The following KIRREL3 variants were observed in gnomAD, a reference collection of about 807,000 sequenced individuals.
The protein encoded by KIRREL3 is kirre like nephrin family adhesion molecule 3.
KIRREL3 carries 36 observed loss-of-function variants against 89.7 expected under a neutral mutation model. That is an observed-to-expected ratio of 0.40 (90% CI 0.31 to 0.53). The LOEUF (loss-of-function observed/expected upper bound fraction) is 0.53. KIRREL3 is among the 20% of genes least tolerant of loss of function. The probability of loss-of-function intolerance (pLI) is 0.49; values close to 1 mark genes in which losing one functional copy is unlikely to be tolerated. For synonymous variants in KIRREL3, 445 were observed against 441.4 expected (o/e 1.01, Z -0.10); for missense variants, 864 against 1,056.6 (o/e 0.82, Z 2.53).
At chr11:126,592,099 T>C (rs1942164405) in intron 1 of KIRREL3, among the ~76,000 whole-genome samples, 2 of 151,954 alleles carry the variant, frequency 1.3e-5, no homozygotes, top group African/African-American at 2.4e-5. Context: ...GGAAATAACA[T>C]TCCAGGGCCT....
Position 126,918,229 on chromosome 11 carries a change from G to A in KIRREL3, c.55+82226C>T, listed in dbSNP as rs923567131. Among the ~76,000 whole-genome samples the A allele has an allele frequency of 6.6e-6, 1 of 152,212 alleles. No individual in the cohort carries two copies. Among genetic ancestry groups the A allele is most frequent in the African/African-American group, 2.4e-5 (1 of 41,454 alleles). On this transcript the variant is annotated intron_variant, in intron 1 of 16. Coordinates refer to ENST00000525144, the MANE Select transcript of KIRREL3 (RefSeq NM_032531.4). This position sits in a 1 kb window ranked among gnomAD's most constrained non-coding sequence, Gnocchi z 6.5. ...CATGGTGCTTCCCTCCCATGTGTGTGTCCATTTGGGCCTCAGCAACATCCC... is the reference window on the plus strand; with the variant it reads ...CATGGTGCTTCCCTCCCATGTGTGTATCCATTTGGGCCTCAGCAACATCCC...
chr11:126,692,828 T>C lies in KIRREL3; in HGVS notation c.56-129916A>G, dbSNP rs549962673. On this transcript the variant is annotated intron_variant, in intron 1 of 16. Transcript: ENST00000525144. ...AAACAGAAAGTAGGATGTTGATTAC[T>C]AGGGACAGGTGACCCCTCCTTGGAT... 2.4e-3 allele frequency among the ~76,000 whole-genome samples: 365 copies of C among 152,330 alleles called. 1 individual carries two copies. Among genetic ancestry groups the C allele is most frequent in the Non-Finnish European group, 3.8e-3 (256 of 68,022 alleles).
rs1160367916 is a variant in KIRREL3, at chr11:126,537,996, T to C, written c.134-11309A>G. ...ACAGTGGGTGAGCCCTCCCATTGGC[T>C]CTGCCTCTTTCTTGAGCTTGGGACT... On this transcript the variant is annotated intron_variant, in intron 2 of 16. Transcript: ENST00000525144. This position sits in a 1 kb window ranked among gnomAD's most constrained non-coding sequence, Gnocchi z 4.3. 6.6e-6 allele frequency among the ~76,000 whole-genome samples: 1 copy of C among 151,300 alleles called. No individual in the cohort carries two copies. The highest frequency in any genetic ancestry group is 1.5e-5 in the Non-Finnish European group (1 of 67,884).
In KIRREL3 at chr11:126,999,228, G is replaced by T. The variant is rs371498633; in HGVS notation, c.55+1227C>A. Among the ~76,000 whole-genome samples, 1 of 152,116 alleles carries T rather than the reference G, an allele frequency of 6.6e-6. No homozygotes were observed. Among genetic ancestry groups the T allele is most frequent in the African/African-American group, 2.4e-5 (1 of 41,420 alleles). On this transcript the variant is annotated intron_variant, in intron 1 of 16. Transcript: ENST00000525144. The surrounding 1 kb of genome is among the most constrained non-coding windows in gnomAD (Gnocchi z 5.7). The stretch of plus-strand genomic sequence containing the variant: ...ATGCACATACAAATATGAAGAAGGA[G>T]CCCCTTCGGTTTCATCAGGAGGACC...
rs2134837632 is a variant in KIRREL3, at chr11:126,620,817, TTTC to T, written c.56-57908_56-57906del. ...CAAACCCAGAGAAGATAACTTCTGC[TTTC>T]TTCTTGGAGCAGCAACTAGTGAGGA... On this transcript the variant is annotated intron_variant, in intron 1 of 16. Transcript: ENST00000525144. The surrounding 1 kb of genome is among the most constrained non-coding windows in gnomAD (Gnocchi z 4.8). 6.6e-6 allele frequency among the ~76,000 whole-genome samples: 1 copy of T among 152,316 alleles called. No individual in the cohort carries two copies. The highest frequency in any genetic ancestry group is 2.1e-4 in the South Asian group (1 of 4,808).
Position 126,856,621 on chromosome 11 carries a change from T to TA in KIRREL3, c.55+143833_55+143834insT, listed in dbSNP as rs1256279162. On this transcript the variant is annotated intron_variant, in intron 1 of 16. Coordinates refer to ENST00000525144, the MANE Select transcript of KIRREL3 (RefSeq NM_032531.4). ...TGTATATATACACACAGACATATAT[T>TA]TTTTTTTTCTTTGAGACCGAGTCTC... 5.8e-3 allele frequency among the ~76,000 whole-genome samples: 834 copies of TA among 143,550 alleles called. 1 individual carries two copies. Among genetic ancestry groups the TA allele is most frequent in the Non-Finnish European group, 0.01 (667 of 65,706 alleles). 94.2% of individuals were successfully genotyped at this position (143,550 alleles called of 152,430 possible). A position where few individuals can be genotyped will look rare whatever the true frequency, so the allele number is the denominator to read the frequency against.
Position 126,431,267 on chromosome 11 carries a change from C to A in KIRREL3, c.1696+152G>T, listed in dbSNP as rs543386080. Reference sequence around the variant, plus strand: ...GCCATGTTGCCCAGGCTCACATACACCGATGCATCAGACCCACTCCCTGCC... The same window carrying A: ...GCCATGTTGCCCAGGCTCACATACAACGATGCATCAGACCCACTCCCTGCC... On this transcript the variant is annotated intron_variant, in intron 14 of 16. Transcript: ENST00000525144. The surrounding 1 kb of genome is among the most constrained non-coding windows in gnomAD (Gnocchi z 7.1). The A allele has an allele frequency of 6.5e-7, 1 of 1,544,760 alleles. No individual in the cohort carries two copies. Among genetic ancestry groups the A allele is most frequent in the Non-Finnish European group, 8.8e-7 (1 of 1,142,098 alleles).
chr11:126,675,737 T>A (rs1045097183), intron 1 of KIRREL3, among the ~76,000 whole-genome samples: 4 of 152,162 alleles, frequency 2.6e-5, no homozygotes, highest in African/African-American at 4.8e-5. Context: ...AAAGGTTTTG[T>A]AAGCCAAGCA....
intron 1 of KIRREL3, among the ~76,000 whole-genome samples, chr11:126,770,867 ACT>A (rs1949998698): frequency 1.3e-5 from 2 of 151,972 alleles, no homozygotes; most frequent in African/African-American, 2.4e-5. Context: ...ACAGAATCTC[ACT>A]CTGTCACCCA....
Position 126,808,265 on chromosome 11 carries a change from T to C in KIRREL3, c.55+192190A>G, listed in dbSNP as rs1951268486. On this transcript the variant is annotated intron_variant, in intron 1 of 16. Coordinates refer to ENST00000525144, the MANE Select transcript of KIRREL3 (RefSeq NM_032531.4). The surrounding 1 kb of genome is among the most constrained non-coding windows in gnomAD (Gnocchi z 4.1). ...TCATTAGCAAAAGAGAATACTTATT[T>C]GAAAATTAAATGTCTTCACTTCTTT... Among the ~76,000 whole-genome samples, 1 of 152,196 alleles carries C rather than the reference T, an allele frequency of 6.6e-6. No individual in the cohort carries two copies. Among genetic ancestry groups the C allele is most frequent in the Non-Finnish European group, 1.5e-5 (1 of 68,028 alleles).
Position 126,555,744 on chromosome 11 carries a change from AT to A in KIRREL3, c.133+7090del, listed in dbSNP as rs57844137. 4.9e-4 allele frequency among the ~76,000 whole-genome samples: 72 copies of A among 145,564 alleles called. No homozygotes were observed. Among genetic ancestry groups the A allele is most frequent in the African/African-American group, 1.6e-3 (62 of 39,612 alleles). ...TGTAGAACATGCTAACAATGTGAGC[AT>A]TTTTTTTTTTTTTGAGACGGAGTCT... On this transcript the variant is annotated intron_variant, in intron 2 of 16. Transcript: ENST00000525144. This position sits in a 1 kb window ranked among gnomAD's most constrained non-coding sequence, Gnocchi z 4.2.
intron 1 of KIRREL3, among the ~76,000 whole-genome samples, chr11:126,921,361 T>C (rs1156540078): frequency 6.6e-6 from 1 of 152,186 alleles, no homozygotes; most frequent in Non-Finnish European, 1.5e-5. Context: ...TGTGAGCCAA[T>C]TCACCTGATA....
intron 1 of KIRREL3, among the ~76,000 whole-genome samples, chr11:126,674,022 G>A (rs920598869): frequency 4.6e-5 from 7 of 152,186 alleles, no homozygotes; most frequent in Admixed American, 3.9e-4. Flanking sequence ...CTGCCTCTGG[G>A]CCATGGTGTC....
rs1267635895 is a variant in KIRREL3, at chr11:126,647,191, G to C, written c.56-84279C>G. Among the ~76,000 whole-genome samples the C allele has an allele frequency of 6.6e-6, 1 of 152,172 alleles. No individual in the cohort carries two copies. Among genetic ancestry groups the C allele is most frequent in the Non-Finnish European group, 1.5e-5 (1 of 68,028 alleles). Reference sequence around the variant, plus strand: ...CATTTCACAATATTTAGGGAGCCCAGGCTCACCCCTGCTACTCTGCCAGGA... The same window carrying C: ...CATTTCACAATATTTAGGGAGCCCACGCTCACCCCTGCTACTCTGCCAGGA... On this transcript the variant is annotated intron_variant, in intron 1 of 16. Coordinates refer to ENST00000525144, the MANE Select transcript of KIRREL3 (RefSeq NM_032531.4). This position sits in a 1 kb window ranked among gnomAD's most constrained non-coding sequence, Gnocchi z 4.9.
In KIRREL3 at chr11:126,843,357, T is replaced by A. The variant is rs1348139143; in HGVS notation, c.55+157098A>T. ...TCTGGAAGATCTCCAAGTGTAAAGG[T>A]GCATGAGAAATGCTTCCAGTGAGTG... On this transcript the variant is annotated intron_variant, in intron 1 of 16. Coordinates refer to ENST00000525144, the MANE Select transcript of KIRREL3 (RefSeq NM_032531.4). This position sits in a 1 kb window ranked among gnomAD's most constrained non-coding sequence, Gnocchi z 4.6. Among the ~76,000 whole-genome samples, 1 of 152,146 alleles carries A rather than the reference T, an allele frequency of 6.6e-6. No homozygotes were observed. Among genetic ancestry groups the A allele is most frequent in the Non-Finnish European group, 1.5e-5 (1 of 68,020 alleles).
chr11:126,533,309 A>G (rs1959000227), intron 2 of KIRREL3, among the ~76,000 whole-genome samples: 1 of 152,134 alleles, frequency 6.6e-6, no homozygotes, highest in South Asian at 2.1e-4. Context: ...TTGCGTCCTT[A>G]TTTGGACTTC....
At chr11:126,966,962 T>G (rs566976447) in intron 1 of KIRREL3, among the ~76,000 whole-genome samples, 2 of 152,274 alleles carry the variant, frequency 1.3e-5, no homozygotes, top group South Asian at 4.1e-4. Context: ...GACCTAGCCC[T>G]AAACCCAGAA....
At chr11:126,662,417 G>A (rs891341922) in intron 1 of KIRREL3, among the ~76,000 whole-genome samples, 1 of 152,194 alleles carries the variant, frequency 6.6e-6, no homozygotes, top group Admixed American at 6.5e-5. Context: ...GAGTACCTGA[G>A]AGTGGGTAAT....
intron 1 of KIRREL3, chr11:126,681,830 C>A (rs577297387): frequency 2.2e-6 from 1 of 450,808 alleles, no homozygotes; most frequent in African/African-American, 2.0e-5. Flanking sequence ...GAGGAATCTG[C>A]GTTTCAGAAT....
Sources: gnomAD v4.1 joint callset for allele counts (sites outside exome capture counted in the v4.1 genomes callset) on GRCh38, gnomAD v4.1.1 for gene constraint, Gnocchi (gnomAD v3.1) non-coding constraint, MANE v1.5 for transcripts, NCBI Gene and HGNC (gene_info 2026-07-23, HGNC 2026-07-21) for gene names.